The following SETBP1 variants were observed in gnomAD, a reference collection of about 807,000 sequenced individuals.
SETBP1 encodes the protein SET-binding protein.
A neutral mutation model predicts 101.0 loss-of-function variants in SETBP1; 9 were observed. The observed-to-expected ratio is 0.09, with a 90% CI of 0.05 to 0.16. SETBP1 has a LOEUF of 0.16. Ranked by LOEUF, SETBP1 falls within the 10% of genes least tolerant of loss-of-function variation. The pLI is 1.00. For missense variants in SETBP1, 1,858 were observed against 2,033.8 expected, an observed-to-expected ratio of 0.91 and a Z score of 1.66; for synonymous variants, 818 against 788.5, an observed-to-expected ratio of 1.04 and a Z score of -0.63.
chr18:44,771,936 T>A (rs1238425767), intron 2 of SETBP1, among the ~76,000 whole-genome samples: 2 of 152,222 alleles, frequency 1.3e-5, no homozygotes, highest in African/African-American at 4.8e-5. Context: ...AGACTTCCTA[T>A]GTGTACGATT....
chr18:44,726,605 C>T (rs556599318), intron 2 of SETBP1, among the ~76,000 whole-genome samples: 9 of 152,128 alleles, frequency 5.9e-5, no homozygotes, highest in African/African-American at 1.9e-4. Flanking sequence ...TATATAGGAC[C>T]GCCTCCCATT....
At chr18:44,980,811 G>A (rs891714203) in intron 4 of SETBP1, among the ~76,000 whole-genome samples, 4 of 152,148 alleles carry the variant, frequency 2.6e-5, no homozygotes, top group Non-Finnish European at 5.9e-5. Flanking sequence ...AGGTTGCAAA[G>A]CATGGTCCTA....
chr18:44,758,920 C>T (rs184359283), intron 2 of SETBP1, among the ~76,000 whole-genome samples: 5 of 152,316 alleles, frequency 3.3e-5, no homozygotes, highest in African/African-American at 7.2e-5. Context: ...GCCCCCCATG[C>T]GTCCCTGGGA....
At chr18:44,801,550 G>A (rs575986663) in intron 2 of SETBP1, among the ~76,000 whole-genome samples, 6 of 152,284 alleles carry the variant, frequency 3.9e-5, no homozygotes, top group Admixed American at 1.3e-4. Flanking sequence ...CCTTGACTTT[G>A]TTACCAATGA....
intron 2 of SETBP1, among the ~76,000 whole-genome samples, chr18:44,794,374 A>T (rs1311985227): frequency 6.6e-6 from 1 of 152,176 alleles, no homozygotes; most frequent in African/African-American, 2.4e-5. Flanking sequence ...CAAGAGGTGG[A>T]ACTGGGACTA....
intron 4 of SETBP1, among the ~76,000 whole-genome samples, chr18:44,993,728 A>G (rs2072430870): frequency 6.6e-6 from 1 of 152,062 alleles, no homozygotes; most frequent in African/African-American, 2.4e-5. Context: ...TCAAAATTTC[A>G]ACAAGCAGAT....
intron 5 of SETBP1, among the ~76,000 whole-genome samples, chr18:45,051,101 T>C (rs925737845): frequency 2.6e-5 from 4 of 152,116 alleles, no homozygotes; most frequent in Admixed American, 6.5e-5. Context: ...AGAGCATATG[T>C]CTGTGTTTTG....
chr18:44,706,985 A>G (rs1159953893), intron 2 of SETBP1, among the ~76,000 whole-genome samples: 1 of 152,234 alleles, frequency 6.6e-6, no homozygotes. Context: ...TTCTTGAGCT[A>G]CATGGCAGAC....
At chr18:44,887,689 C>T (rs949332109) in intron 3 of SETBP1, among the ~76,000 whole-genome samples, 1 of 152,154 alleles carries the variant, frequency 6.6e-6, no homozygotes, top group Non-Finnish European at 1.5e-5. Context: ...CAAGGACAAG[C>T]TAGGATCATC....
In SETBP1 at chr18:45,051,012, A is replaced by G. The variant is rs529381101; in HGVS notation, c.4172-12067A>G. ...CAGAGTTAAGTGATTTGGGCTTTAC[A>G]TATGGAAAGTTCATTTTGTTGTGTA... On this transcript the variant is annotated intron_variant, in intron 5 of 5. Transcript: ENST00000649279. 1.8e-4 allele frequency among the ~76,000 whole-genome samples: 28 copies of G among 152,342 alleles called. 1 individual carries two copies. The South Asian group carries it at 5.6e-3, about 30-fold the overall frequency.
At chr18:44,823,545 C>G (rs1038180514) in intron 2 of SETBP1, among the ~76,000 whole-genome samples, 1 of 152,216 alleles carries the variant, frequency 6.6e-6, no homozygotes, top group Admixed American at 6.5e-5. Flanking sequence ...TCTATTCAGG[C>G]TTACGAGCTG....
At chr18:44,768,324 T>C (rs575381841) in intron 2 of SETBP1, among the ~76,000 whole-genome samples, 10 of 152,298 alleles carry the variant, frequency 6.6e-5, no homozygotes, top group African/African-American at 2.4e-4. Context: ...CTAAAAATAT[T>C]TTGAAAGACA....
intron 2 of SETBP1, among the ~76,000 whole-genome samples, chr18:44,834,697 T>G (rs1310706874): frequency 6.6e-6 from 1 of 152,224 alleles, no homozygotes; most frequent in Non-Finnish European, 1.5e-5. Flanking sequence ...TGGCAAGGAC[T>G]GAGATTCAGA....
intron 2 of SETBP1, among the ~76,000 whole-genome samples, chr18:44,757,495 A>G (rs1168947753): frequency 2.0e-5 from 3 of 152,190 alleles, no homozygotes; most frequent in African/African-American, 7.2e-5. Flanking sequence ...ATATGCCTGA[A>G]TTTGAGTGCT....
chr18:44,760,855 ATAC>A (rs1055849351), intron 2 of SETBP1, among the ~76,000 whole-genome samples: 14 of 152,218 alleles, frequency 9.2e-5, no homozygotes, highest in African/African-American at 3.4e-4. Context: ...AATAAAGGAC[ATAC>A]AAAAAGAAGG....
intron 3 of SETBP1, among the ~76,000 whole-genome samples, chr18:44,928,558 C>T (rs1425283375): frequency 6.6e-6 from 1 of 152,180 alleles, no homozygotes; most frequent in Non-Finnish European, 1.5e-5. Flanking sequence ...AGTGTAAAAG[C>T]ATTCCTATTT....
rs571062480 is a variant in SETBP1, at chr18:44,872,738, G to A, written c.540+3455G>A. On this transcript the variant is annotated intron_variant, in intron 3 of 5. Transcript: ENST00000649279. ...TAAAGTGCCTGTGGGTGATGCCCAC[G>A]TGCTTGTGCACATGCTTACGAGGTG... is the stretch of plus-strand genomic sequence containing the variant. Among the ~76,000 whole-genome samples the A allele has an allele frequency of 4.6e-5, 7 of 152,372 alleles. No homozygotes were observed. In the East Asian group the frequency reaches 5.8e-4, roughly 13 times the overall value.
chr18:44,762,542 AG>A (rs1368912709), intron 2 of SETBP1, among the ~76,000 whole-genome samples: 12 of 152,322 alleles, frequency 7.9e-5, no homozygotes, highest in Middle Eastern at 3.4e-3. Context: ...TTTACTATAT[AG>A]TATTATCTCA....
chr18:44,807,064 C>G (rs1191692905), intron 2 of SETBP1, among the ~76,000 whole-genome samples: 3 of 152,066 alleles, frequency 2.0e-5, no homozygotes, highest in African/African-American at 7.2e-5. Flanking sequence ...ATCTTCACCC[C>G]CTAACTACAC....
Sources: allele counts gnomAD v4.1 joint callset (sites outside exome capture counted in the v4.1 genomes callset), GRCh38; gene constraint gnomAD v4.1.1; transcripts MANE v1.5; gene names NCBI Gene and HGNC (gene_info 2026-07-23, HGNC 2026-07-21).